Variants in FLT1 observed in about 807,000 individuals in gnomAD.
FLT1 encodes the protein vascular endothelial growth factor receptor 1.
A neutral mutation model predicts 156.3 loss-of-function variants in FLT1; 49 were observed. That is an observed-to-expected ratio of 0.31 (90% confidence interval 0.25 to 0.40). The LOEUF (loss-of-function observed/expected upper bound fraction) is 0.40, where lower values mean the gene tolerates loss of function less well. FLT1 is among the 10% of genes least tolerant of loss of function. The pLI is 1.00. For missense variants in FLT1, 1,322 were observed against 1,637.2 expected (o/e 0.81, Z 3.32); for synonymous variants, 594 against 583.8 (o/e 1.02, Z -0.25).
At chr13:28,443,812 G>A (rs1878462931) in intron 3 of FLT1, among the ~76,000 whole-genome samples, 1 of 152,168 alleles carries the variant, frequency 6.6e-6, no homozygotes, top group African/African-American at 2.4e-5. Flanking sequence ...AAAGAAAACA[G>A]GCAGGTTCTT....
rs35549791 is a variant in FLT1 at position 28,322,931 on chromosome 13, T to C, written c.2812A>G (p.Met938Val). The change falls in exon 21 of 30, where the codon ATG becomes GTG. Residue 938 changes from methionine to valine, a missense_variant. Around this residue, in one of 3 missense-constraint regions of FLT1, gnomAD observed 991 missense variants for 1,254.8 expected, o/e 0.79. Coordinates refer to ENST00000282397, the MANE Select transcript of FLT1 (RefSeq NM_002019.4). This position sits in a 1 kb window ranked among gnomAD's most constrained non-coding sequence, Gnocchi z 4.3. ...TCCATTTTTTCTTTCTTAGGCTCCATGTGTAGTGCTGCATCCTTTGAAGAG... is the reference window on the plus strand; with the variant it reads ...TCCATTTTTTCTTTCTTAGGCTCCACGTGTAGTGCTGCATCCTTTGAAGAG... ...FFLNKDAALHMEPKKEKMEPG... is the reference protein window; with the variant it reads ...FFLNKDAALHVEPKKEKMEPG... 4,198 of 1,614,112 alleles carry C rather than the reference T, an allele frequency of 2.6e-3. 37 individuals are homozygous for C. Among genetic ancestry groups the C allele is most frequent in the South Asian group, 8.7e-3 (794 of 91,070 alleles).
At chr13:28,484,207 C>T (rs1200813006) in intron 1 of FLT1, among the ~76,000 whole-genome samples, 1 of 152,210 alleles carries the variant, frequency 6.6e-6, no homozygotes, top group Non-Finnish European at 1.5e-5. Flanking sequence ...GTCAAACACA[C>T]TTCCAGGTCG....
intron 1 of FLT1, among the ~76,000 whole-genome samples, chr13:28,471,450 T>G (rs1880173096): frequency 6.6e-6 from 1 of 152,260 alleles, no homozygotes; most frequent in African/African-American, 2.4e-5. Flanking sequence ...GGCAGTTTCA[T>G]GTCCATGTAC....
Position 28,311,732 on chromosome 13 carries a change from C to T in FLT1, c.3493G>A (p.Asp1165Asn). 6.2e-7 allele frequency: 1 copy of T among 1,613,992 alleles called. No individual in the cohort carries two copies. The highest frequency in any genetic ancestry group is 8.5e-7 in the Non-Finnish European group (1 of 1,179,936). ...GDLLQANVQQDGKDYIPINAI... is the reference protein window; with the variant it reads ...GDLLQANVQQNGKDYIPINAI... ...TTGATTGGGATGTAGTCTTTACCAT[C>T]CTAAAATACCAAAGGTAGAGCTCTC... The change falls in exon 27 of 30, where the codon GAT (aspartate) becomes AAT (asparagine). Residue 1165 changes from aspartate (D) to asparagine (N), a missense_variant and splice_region_variant. Physicochemically the swap from Asp to Asn is conservative, Grantham distance 23. Coordinates refer to ENST00000282397, the MANE Select transcript of FLT1 (RefSeq NM_002019.4).
At chr13:28,395,072 C>T (rs2093821) in intron 12 of FLT1, among the ~76,000 whole-genome samples, 108,228 of 152,042 alleles carry the variant, frequency 0.71, 41,155 homozygotes, top group East Asian at 0.98. Flanking sequence ...TTTTTCTGCA[C>T]GGCCAGGTGC....
intron 14 of FLT1, among the ~76,000 whole-genome samples, chr13:28,363,758 C>T (rs529220307): frequency 1.4e-4 from 22 of 152,082 alleles, no homozygotes; most frequent in Non-Finnish European, 2.8e-4. Flanking sequence ...GGATTATAGG[C>T]GCCCACCACT....
chr13:28,464,158 C>T (rs553699238), intron 3 of FLT1, among the ~76,000 whole-genome samples: 4 of 152,098 alleles, frequency 2.6e-5, no homozygotes. Flanking sequence ...ATATAATATT[C>T]GTAGTATATG....
Position 28,386,807 on chromosome 13 carries a change from C to T in FLT1, c.1970-1776G>A, listed in dbSNP as rs929799350. On this transcript the variant is annotated intron_variant, in intron 13 of 29. Transcript: ENST00000282397. ...ACAGTATCATATTATTATTTAGTCGCTTTTACAGTGGCAAGCCAATTTTGA... is the reference window on the plus strand; with the variant it reads ...ACAGTATCATATTATTATTTAGTCGTTTTTACAGTGGCAAGCCAATTTTGA... 9.5e-6 allele frequency: 10 copies of T among 1,052,484 alleles called. No individual in the cohort carries two copies. In the African/African-American group the frequency reaches 1.5e-4, roughly 16 times the overall value. The allele number at this position is 1,052,484 out of a possible 1,614,324, so 65.2% of individuals were successfully genotyped here. A position where few individuals can be genotyped will look rare whatever the true frequency, so the allele number is the denominator to read the frequency against.
chr13:28,424,615 T>C (rs918548921), intron 10 of FLT1, among the ~76,000 whole-genome samples: 2 of 152,232 alleles, frequency 1.3e-5, no homozygotes, highest in African/African-American at 4.8e-5. Context: ...AACCAATTAA[T>C]AGTTTTGAGC....
intron 3 of FLT1, among the ~76,000 whole-genome samples, chr13:28,448,012 C>T (rs557935826): frequency 6.6e-6 from 1 of 152,254 alleles, no homozygotes; most frequent in East Asian, 1.9e-4. Flanking sequence ...TGAAAAGATA[C>T]TTAACATCAT....
chr13:28,386,060 G>T (rs1439708290), intron 13 of FLT1: 1 of 1,053,522 alleles, frequency 9.5e-7, no homozygotes, highest in Non-Finnish European at 1.1e-6. Context: ...TAACTGACAC[G>T]TTCTCTGTCA....
At chr13:28,345,352 A>G (rs1014163796) in intron 16 of FLT1, 93 bp downstream of exon 16, 2 of 750,784 alleles carry the variant, frequency 2.7e-6, no homozygotes, top group Non-Finnish European at 4.7e-6. Flanking sequence ...GGAAAGAAAG[A>G]GGGTCCAACA....
intron 1 of FLT1, among the ~76,000 whole-genome samples, chr13:28,470,992 G>A (rs529441504): frequency 3.4e-4 from 52 of 152,130 alleles, no homozygotes; most frequent in Non-Finnish European, 5.6e-4. Flanking sequence ...CGCCGCGCAA[G>A]AAGTGCTATT....
intron 24 of FLT1, among the ~76,000 whole-genome samples, chr13:28,319,058 C>T (rs182437689): frequency 7.2e-5 from 11 of 152,082 alleles, no homozygotes; most frequent in East Asian, 1.9e-4. Context: ...TGGTGGGAGA[C>T]GCGGGGAGGG....
Position 28,319,673 on chromosome 13 carries a change from A to C in FLT1, c.3175-139T>G, listed in dbSNP as rs1871360228. ...GAGCAGCTCTGGTTTCCTAACATAG[A>C]GAACACCATAGTATGCAGTGTTACG... On this transcript the variant is annotated intron_variant, in intron 23 of 29. Transcript: ENST00000282397. 3 of 673,434 alleles carry C rather than the reference A, an allele frequency of 4.5e-6. No homozygotes were observed. The Admixed American group carries it at 6.2e-5, about 14-fold the overall frequency. 41.7% of individuals were successfully genotyped at this position (673,434 alleles called of 1,614,324 possible).
intron 20 of FLT1, among the ~76,000 whole-genome samples, chr13:28,323,727 T>C (rs934383317): frequency 1.3e-5 from 2 of 151,426 alleles, no homozygotes; most frequent in African/African-American, 2.4e-5. Flanking sequence ...CACTTTTCCA[T>C]GCCACACGCC....
chr13:28,457,919 T>C (rs1879350056), intron 3 of FLT1, among the ~76,000 whole-genome samples: 2 of 146,944 alleles, frequency 1.4e-5, no homozygotes, highest in African/African-American at 5.2e-5. Flanking sequence ...TCTTTTCCTT[T>C]TTTCTTTCCT....
chr13:28,356,301 G>C (rs1026951892), intron 15 of FLT1, among the ~76,000 whole-genome samples: 1 of 152,154 alleles, frequency 6.6e-6, no homozygotes, highest in Non-Finnish European at 1.5e-5. Flanking sequence ...GGCCCGGCAC[G>C]GCCATTCCTG....
intron 13 of FLT1, chr13:28,386,744 C>T (rs1366824816): frequency 2.3e-5 from 24 of 1,054,292 alleles, no homozygotes; most frequent in Non-Finnish European, 2.5e-5. Flanking sequence ...TAGTGAAGAC[C>T]CCAAACATAT....
Sources: gnomAD v4.1 joint callset for allele counts (sites outside exome capture counted in the v4.1 genomes callset) on GRCh38, gnomAD v4.1.1 for gene constraint, gnomAD v4.1.1 regional missense constraint, Gnocchi (gnomAD v3.1) non-coding constraint, MANE v1.5 for transcripts, NCBI Gene and HGNC (gene_info 2026-07-23, HGNC 2026-07-21) for gene names.